Variants in CTNNA2 observed in about 807,000 individuals in gnomAD.
CTNNA2 encodes catenin alpha-2.
Under a neutral mutation model 101.0 loss-of-function variants are expected in CTNNA2, and 42 were observed. The observed-to-expected ratio is 0.42, with a 90% CI of 0.32 to 0.54. The LOEUF is 0.54. Among genes scored for constraint, CTNNA2 ranks in the 20% least tolerant of loss-of-function variants. The pLI, the probability that CTNNA2 is intolerant of heterozygous loss-of-function variation, is 0.14. For synonymous variants in CTNNA2, 450 were observed against 456.4 expected (o/e 0.99, Z 0.18); for missense variants, 871 against 1,223.1 (o/e 0.71, Z 4.29).
chr2:80,580,453 G>A (rs1001454608), intron 13 of CTNNA2, among the ~76,000 whole-genome samples: 1 of 152,082 alleles, frequency 6.6e-6, no homozygotes. Flanking sequence ...CTAATAATGA[G>A]AAGTATGTTT....
Position 79,466,167 on chromosome 2 carries a change from A to T in CTNNA2, c.-134-38887A>T, listed in dbSNP as rs1402112760. Among the ~76,000 whole-genome samples, 3 of 152,196 alleles carry T rather than the reference A, an allele frequency of 2.0e-5. No homozygotes were observed. In the East Asian group the frequency reaches 5.8e-4, roughly 29 times the overall value. On this transcript the variant is annotated intron_variant, in intron 4 of 21. Transcript: ENST00000466387. Reference sequence around the variant, plus strand: ...GTAGCTGTGACAGACAGCACCTGGAAAATCGGGTCACTCCCACCCTAATAC... The same window carrying T: ...GTAGCTGTGACAGACAGCACCTGGATAATCGGGTCACTCCCACCCTAATAC...
At chr2:80,171,547 G>C (rs777435374) in intron 7 of CTNNA2, among the ~76,000 whole-genome samples, 2 of 152,190 alleles carry the variant, frequency 1.3e-5, no homozygotes, top group Non-Finnish European at 2.9e-5. Context: ...AATCTAGGAT[G>C]GGGAGGCATC....
rs142677181 is a variant in CTNNA2 at position 80,494,986 on chromosome 2, A to G, written c.1291-49996A>G. 2.0e-3 allele frequency among the ~76,000 whole-genome samples: 302 copies of G among 152,284 alleles called. 3 individuals are homozygous for G. Among genetic ancestry groups the G allele is most frequent in the African/African-American group, 6.6e-3 (275 of 41,546 alleles). Reference sequence around the variant, plus strand: ...TTTGACCAAAAATATTATCAAAGAAATATTGTTCTCAATCTGCAGCATGAA... The same window carrying G: ...TTTGACCAAAAATATTATCAAAGAAGTATTGTTCTCAATCTGCAGCATGAA... On this transcript the variant is annotated intron_variant, in intron 9 of 18. Coordinates refer to ENST00000402739, the MANE Select transcript of CTNNA2 (RefSeq NM_001282597.3).
At chr2:80,090,833 A>C (rs1699750854) in intron 7 of CTNNA2, among the ~76,000 whole-genome samples, 1 of 152,066 alleles carries the variant, frequency 6.6e-6, no homozygotes, top group Admixed American at 6.5e-5. Flanking sequence ...TCCAAAGCTA[A>C]GATTCTAGTT....
At chr2:80,214,648 T>C (rs954085234) in intron 7 of CTNNA2, among the ~76,000 whole-genome samples, 2 of 152,090 alleles carry the variant, frequency 1.3e-5, no homozygotes, top group South Asian at 4.2e-4. Flanking sequence ...GATGGGCTTC[T>C]CTTTGTGGGT....
chr2:79,840,930 C>CT (rs1195742239), intron 3 of CTNNA2, among the ~76,000 whole-genome samples: 3 of 152,134 alleles, frequency 2.0e-5, no homozygotes, highest in African/African-American at 7.2e-5. Flanking sequence ...CCACGGCACC[C>CT]GGCTAATTTT....
At chr2:80,039,446 A>T (rs1037742277) in intron 7 of CTNNA2, among the ~76,000 whole-genome samples, 1 of 152,180 alleles carries the variant, frequency 6.6e-6, no homozygotes, top group Admixed American at 6.5e-5. Flanking sequence ...GTTTCTTGGG[A>T]ATATGTTCTC....
intron 2 of CTNNA2, among the ~76,000 whole-genome samples, chr2:79,270,111 T>C (rs1293474662): frequency 6.6e-6 from 1 of 151,174 alleles, no homozygotes; most frequent in Non-Finnish European, 1.5e-5. Flanking sequence ...GCTTCTCATA[T>C]CCTGTTAGGC....
chr2:79,992,858 G>T (rs974832603), intron 7 of CTNNA2, among the ~76,000 whole-genome samples: 4 of 152,164 alleles, frequency 2.6e-5, no homozygotes, highest in Admixed American at 2.0e-4. Flanking sequence ...TATATTCAGA[G>T]ACATTGAAAA....
chr2:79,803,464 C>A (rs1031612024), intron 3 of CTNNA2, among the ~76,000 whole-genome samples: 1 of 152,190 alleles, frequency 6.6e-6, no homozygotes, highest in African/African-American at 2.4e-5. Context: ...AAGGGATGGG[C>A]CGAATTAAAG....
intron 18 of CTNNA2, among the ~76,000 whole-genome samples, chr2:80,639,185 T>G (rs1297356680): frequency 6.6e-6 from 1 of 152,172 alleles, no homozygotes; most frequent in African/African-American, 2.4e-5. Flanking sequence ...GGGATCAGTA[T>G]GTGTTGTAAT....
At chr2:79,353,644 A>G (rs182218612) in intron 3 of CTNNA2, among the ~76,000 whole-genome samples, 2 of 152,200 alleles carry the variant, frequency 1.3e-5, no homozygotes, top group Non-Finnish European at 2.9e-5. Context: ...TGCCAATTTA[A>G]GTGGGATATT....
At chr2:80,502,849 C>T (rs1687981756) in intron 9 of CTNNA2, among the ~76,000 whole-genome samples, 3 of 152,128 alleles carry the variant, frequency 2.0e-5, no homozygotes, top group East Asian at 1.9e-4. Flanking sequence ...TTCATTAGCT[C>T]AAGCTTCTTT....
chr2:80,505,333 T>G (rs1688185707), intron 9 of CTNNA2, among the ~76,000 whole-genome samples: 1 of 152,234 alleles, frequency 6.6e-6, no homozygotes, highest in Non-Finnish European at 1.5e-5. Context: ...AAGGCATTTC[T>G]CTTCTCACAT....
chr2:79,952,944 A>T (rs1425368897), intron 7 of CTNNA2, among the ~76,000 whole-genome samples: 1 of 152,220 alleles, frequency 6.6e-6, no homozygotes, highest in Non-Finnish European at 1.5e-5. Flanking sequence ...CAGCATACTC[A>T]TGAGAAGCTA....
chr2:80,579,897 C>T (rs758803515), intron 13 of CTNNA2, among the ~76,000 whole-genome samples: 2 of 152,210 alleles, frequency 1.3e-5, no homozygotes, highest in Non-Finnish European at 2.9e-5. Flanking sequence ...TGGGCAACTA[C>T]ATCATCGGTA....
Position 80,260,310 on chromosome 2 carries a change from G to A in CTNNA2, c.1057-132901G>A, listed in dbSNP as rs760130108. ...TCTGACAGTGAAGAAAGATGGCAGA[G>A]GGTCAGCTAAAGTGTATATTTTGTA... On this transcript the variant is annotated intron_variant, in intron 7 of 18. Transcript: ENST00000402739. Among the ~76,000 whole-genome samples the A allele has an allele frequency of 3.2e-3, 487 of 152,292 alleles. 7 individuals are homozygous for A. Among genetic ancestry groups the A allele is most frequent in the Non-Finnish European group, 4.6e-3 (315 of 68,040 alleles).
intron 13 of CTNNA2, among the ~76,000 whole-genome samples, chr2:80,578,490 T>C (rs1055805951): frequency 6.6e-6 from 1 of 152,146 alleles, no homozygotes; most frequent in Non-Finnish European, 1.5e-5. Flanking sequence ...AACTAAAAAA[T>C]AGCACTCATA....
chr2:80,612,722 C>G (rs906091994), intron 17 of CTNNA2, among the ~76,000 whole-genome samples: 2 of 151,300 alleles, frequency 1.3e-5, no homozygotes, highest in African/African-American at 2.4e-5. Context: ...ATTGTGTAGA[C>G]CTGTACATTA....
Sources: gnomAD v4.1 joint callset for allele counts (sites outside exome capture counted in the v4.1 genomes callset) on GRCh38, gnomAD v4.1.1 for gene constraint, MANE v1.5 for transcripts, NCBI Gene and HGNC (gene_info 2026-07-23, HGNC 2026-07-21) for gene names.